MS4A4E: variants seen among roughly 807,000 people sequenced by gnomAD.
MS4A4E encodes the protein putative membrane-spanning 4-domains subfamily A member 4E.
MS4A4E carries 23 observed loss-of-function variants against 13.3 expected under a neutral mutation model. The ratio of observed to expected loss-of-function variants is 1.73; its 90% CI spans 1.25 to 2.45. The LOEUF (loss-of-function observed/expected upper bound fraction) is 2.45. Among genes scored for constraint, MS4A4E ranks in the 30% most tolerant of loss-of-function variants. MS4A4E has a pLI of 0.00. For synonymous variants in MS4A4E, 36 were observed against 45.6 expected, an observed-to-expected ratio of 0.79 and a Z score of 0.85; for missense variants, 144 against 131.2, an observed-to-expected ratio of 1.10 and a Z score of -0.48.
chr11:60,243,061 C>T lies in MS4A4E; in HGVS notation c.-120G>A. 1.9e-6 allele frequency: 2 copies of T among 1,045,420 alleles called. No homozygotes were observed. The highest frequency in any genetic ancestry group is 2.8e-6 in the Non-Finnish European group (2 of 707,002). 64.8% of individuals were successfully genotyped at this position (1,045,420 alleles called of 1,614,324 possible). A position where few individuals can be genotyped will look rare whatever the true frequency, so the allele number is the denominator to read the frequency against. The stretch of plus-strand genomic sequence containing the variant: ...CAGACACAGTCAGCTTCCCCCACTC[C>T]ACACCTCACTCAGTTTAAATCTGCA... On this transcript the variant is annotated 5_prime_UTR_variant, in exon 1 of 9. Transcript: ENST00000651255.
chr11:60,221,533 T>A (rs899250755), intron 3 of MS4A4E, among the ~76,000 whole-genome samples: 1 of 152,232 alleles, frequency 6.6e-6, no homozygotes, highest in African/African-American at 2.4e-5. Context: ...AGTGGTCAGC[T>A]GCAGCACTAC....
intron 3 of MS4A4E, among the ~76,000 whole-genome samples, chr11:60,223,664 C>T (rs555385655): frequency 6.6e-6 from 1 of 152,274 alleles, no homozygotes; most frequent in East Asian, 1.9e-4. Context: ...ACTCAGCTGC[C>T]AGTGTGGCCA....
intron 5 of MS4A4E, among the ~76,000 whole-genome samples, chr11:60,210,203 A>C (rs1364560724): frequency 6.6e-6 from 1 of 152,262 alleles, no homozygotes; most frequent in Non-Finnish European, 1.5e-5. Context: ...TTTATTTACA[A>C]AAACAAATAC....
intron 6 of MS4A4E, among the ~76,000 whole-genome samples, chr11:60,207,998 G>C (rs2084069497): frequency 1.3e-5 from 2 of 152,270 alleles, no homozygotes; most frequent in Admixed American, 6.5e-5. Context: ...TCTTCATTGT[G>C]AAATATTTTC....
chr11:60,226,232 C>T (rs1032563518), intron 3 of MS4A4E, among the ~76,000 whole-genome samples: 1 of 151,722 alleles, frequency 6.6e-6, no homozygotes, highest in African/African-American at 2.4e-5. Flanking sequence ...TGAAATTATA[C>T]CAATTCTTTA....
chr11:60,205,396 T>C (rs1265574321), intron 7 of MS4A4E, among the ~76,000 whole-genome samples: 1 of 152,220 alleles, frequency 6.6e-6, no homozygotes, highest in East Asian at 1.9e-4. Flanking sequence ...CCATTGTAGA[T>C]ACTTTACAAA....
rs746320053 is a variant in MS4A4E at position 60,201,580 on chromosome 11, T to A, written c.959A>T (p.Glu320Val). 3.1e-6 allele frequency: 1 copy of A among 322,976 alleles called. No individual in the cohort carries two copies. Among genetic ancestry groups the A allele is most frequent in the South Asian group, 2.2e-5 (1 of 45,892 alleles). 20.0% of individuals were successfully genotyped at this position (322,976 alleles called of 1,614,324 possible). A position where few individuals can be genotyped will look rare whatever the true frequency, so the allele number is the denominator to read the frequency against. ...CGGCCGGGCGGAGACACTCCTCACC[T>A]CCCAGATGGGATGGTGGCCGGGAAG... ...APLPGHHPIWEVRSVSARPPI... is the reference protein window; with the variant it reads ...APLPGHHPIWVVRSVSARPPI... The change falls in exon 9 of 9, where the codon GAG becomes GTG. Residue 320 changes from glutamate to valine, a missense_variant. By Grantham distance (121) the Glu-to-Val change is moderately radical. Around this residue, in one of 3 missense-constraint regions of MS4A4E, gnomAD observed 21 missense variants for 25.1 expected, o/e 0.84. Coordinates refer to ENST00000651255, the MANE Select transcript of MS4A4E (RefSeq NM_001393391.1).
At position 60,213,087 on chromosome 11, in the gene MS4A4E, T is replaced by C; in HGVS notation, c.268A>G (p.Ile90Val). 9.3e-6 allele frequency: 5 copies of C among 534,972 alleles called. No individual in the cohort carries two copies. The highest frequency in any genetic ancestry group is 3.6e-5 in the Admixed American group (1 of 27,416). The allele number at this position is 534,972 out of a possible 1,614,324, so 33.1% of individuals were successfully genotyped here. A position where few individuals can be genotyped will look rare whatever the true frequency, so the allele number is the denominator to read the frequency against. ...GKNITSSVLA[I>V]SGILINAISL... is the part of the protein sequence containing the mutation. ...ATTGCATTGATTAAGATCCCTGATATAGCCAAGACTGAACTGGTGATATTC... is the reference window on the plus strand; with the variant it reads ...ATTGCATTGATTAAGATCCCTGATACAGCCAAGACTGAACTGGTGATATTC... The change falls in exon 5 of 9, where the codon ATA becomes GTA. Residue 90 changes from isoleucine to valine, a missense_variant. Ile to Val is a conservative substitution (Grantham distance 29). This residue lies in a region of MS4A4E where 119 missense variants were observed against 88.7 expected (regional missense o/e 1.34). Transcript: ENST00000651255.
intron 1 of MS4A4E, among the ~76,000 whole-genome samples, chr11:60,241,092 C>T (rs531976943): frequency 3.3e-5 from 5 of 152,144 alleles, no homozygotes; most frequent in African/African-American, 7.2e-5. Context: ...GGTGCAATCT[C>T]GGCTCACTGC....
At chr11:60,216,631 G>GTA (rs199838617) in intron 3 of MS4A4E, among the ~76,000 whole-genome samples, 53 of 150,086 alleles carry the variant, frequency 3.5e-4, no homozygotes, top group African/African-American at 7.8e-4. Context: ...TATATCATAT[G>GTA]TATATATATA....
At chr11:60,225,660 G>T (rs2084331627) in intron 3 of MS4A4E, among the ~76,000 whole-genome samples, 1 of 151,946 alleles carries the variant, frequency 6.6e-6, no homozygotes, top group African/African-American at 2.4e-5. Context: ...TGAAAGCAGT[G>T]CTTAGAAAAA....
intron 3 of MS4A4E, 123 bp downstream of exon 3, chr11:60,228,471 G>A (rs2084369668): frequency 1.8e-6 from 1 of 550,784 alleles, no homozygotes; most frequent in Non-Finnish European, 3.2e-6. Flanking sequence ...ATGTAGAACA[G>A]CAGGAACTCT....
chr11:60,216,869 G>A (rs998973270), intron 3 of MS4A4E, among the ~76,000 whole-genome samples: 2 of 152,044 alleles, frequency 1.3e-5, no homozygotes, highest in Admixed American at 6.6e-5. Context: ...AACATGGAAA[G>A]ACTAGACTCA....
Position 60,231,980 on chromosome 11 carries a change from G to A in MS4A4E, c.-16-1909C>T, listed in dbSNP as rs567223500. ...ACAAAAATGAAAAGTTAAAGATAAA[G>A]TGCAAAAAGTGACACAATATGTTTG... On this transcript the variant is annotated intron_variant, in intron 1 of 8. Coordinates refer to ENST00000651255, the MANE Select transcript of MS4A4E (RefSeq NM_001393391.1). 1.4e-3 allele frequency among the ~76,000 whole-genome samples: 210 copies of A among 145,174 alleles called. 1 individual carries two copies. The highest frequency in any genetic ancestry group is 5.0e-3 in the African/African-American group (200 of 39,618).
Position 60,200,428 on chromosome 11 carries a change from G to T in MS4A4E, c.*1115C>A, listed in dbSNP as rs978169541. On this transcript the variant is annotated 3_prime_UTR_variant, in exon 9 of 9. Coordinates refer to ENST00000651255, the MANE Select transcript of MS4A4E (RefSeq NM_001393391.1). ...AGGTCTCTGGTTTTCCTAGGCAGAG[G>T]ACCCTGCGGCCTTCCGAGGTGTTTG... 2.6e-5 allele frequency among the ~76,000 whole-genome samples: 4 copies of T among 152,110 alleles called. No individual in the cohort carries two copies. Among genetic ancestry groups the T allele is most frequent in the Non-Finnish European group, 5.9e-5 (4 of 68,002 alleles).
At chr11:60,242,549 A>T (rs1452415794) in intron 1 of MS4A4E, among the ~76,000 whole-genome samples, 1 of 152,224 alleles carries the variant, frequency 6.6e-6, no homozygotes, top group Non-Finnish European at 1.5e-5. Flanking sequence ...TAAGTCTTGA[A>T]TTATAAAAAT....
chr11:60,224,635 AC>A (rs2084317844), intron 3 of MS4A4E, among the ~76,000 whole-genome samples: 1 of 152,128 alleles, frequency 6.6e-6, no homozygotes, highest in African/African-American at 2.4e-5. Context: ...TCCTTACACC[AC>A]CAAATTAAAC....
intron 7 of MS4A4E, among the ~76,000 whole-genome samples, 45 bp from the exon 8 acceptor site, chr11:60,205,003 C>T (rs187058968): frequency 1.6e-4 from 25 of 152,318 alleles, no homozygotes; most frequent in Non-Finnish European, 2.9e-5. Context: ...GAGGGCCTCA[C>T]ATTCCCATGA....
intron 5 of MS4A4E, among the ~76,000 whole-genome samples, chr11:60,212,038 C>T (rs1251028742): frequency 1.3e-5 from 2 of 152,146 alleles, no homozygotes; most frequent in Non-Finnish European, 2.9e-5. Context: ...TGGCCCAAAA[C>T]ATCAAGAACT....
Sources: allele counts gnomAD v4.1 joint callset (sites outside exome capture counted in the v4.1 genomes callset), GRCh38; gene constraint gnomAD v4.1.1; regional missense constraint gnomAD v4.1.1; transcripts MANE v1.5; gene names NCBI Gene and HGNC (gene_info 2026-07-23, HGNC 2026-07-21).